URB1: variants seen among roughly 807,000 people sequenced by gnomAD.
The protein encoded by URB1 is nucleolar pre-ribosomal-associated protein 1.
A neutral mutation model predicts 242.3 loss-of-function variants in URB1; 197 were observed. The ratio of observed to expected loss-of-function variants is 0.81; its 90% confidence interval spans 0.72 to 0.91. The LOEUF (loss-of-function observed/expected upper bound fraction) is 0.91, where lower values mean the gene tolerates loss of function less well. Ranked by LOEUF, URB1 falls within the 40% of genes least tolerant of loss-of-function variation. The probability of loss-of-function intolerance (pLI) is 0.00; values close to 1 mark genes in which losing one functional copy is unlikely to be tolerated. For synonymous variants in URB1, 1,153 were observed against 1,201.8 expected, an observed-to-expected ratio of 0.96 and a Z score of 0.84; for missense variants, 2,721 against 2,860.5, an observed-to-expected ratio of 0.95 and a Z score of 1.11.
Position 32,311,932 on chromosome 21 carries a change from C to A in URB1, c.*2986G>T. 1.2e-6 allele frequency: 2 copies of A among 1,613,674 alleles called. No homozygotes were observed. The highest frequency in any genetic ancestry group is 2.2e-5 in the South Asian group (2 of 91,088). ...TGGGAACTGACCCTCAATGGGGGTC[C>A]CCTCGTCAGGAGCAAGCCCAGCGAG... On this transcript the variant is annotated 3_prime_UTR_variant, in exon 39 of 39. Transcript: ENST00000382751.
intron 8 of URB1, among the ~76,000 whole-genome samples, chr21:32,369,122 C>T (rs920534868): frequency 7.2e-5 from 11 of 152,160 alleles, no homozygotes; most frequent in African/African-American, 2.4e-4. Context: ...GTGGGAGGAT[C>T]ACCTGAGGTC....
intron 36 of URB1, among the ~76,000 whole-genome samples, 170 bp from the exon 37 acceptor site, chr21:32,318,087 GA>G (rs2123540331): frequency 6.6e-6 from 1 of 152,190 alleles, no homozygotes; most frequent in African/African-American, 2.4e-5. Context: ...ACGCAGAAAA[GA>G]AAAAAGTGAG....
chr21:32,361,192 A>AAAGAAAGAAAGAAAGAAAGG, intron 12 of URB1, 69 bp from the exon 13 acceptor site: 1 of 925,134 alleles, frequency 1.1e-6, no homozygotes, highest in Non-Finnish European at 1.6e-6. Context: ...AGAAAGAAAG[A>AAAGAAAGAAAGAAAGAAAGG]AAGAAAGAAA....
In URB1 at chr21:32,383,584, C is replaced by T. The variant is rs188271430; in HGVS notation, c.435-30G>A. On this transcript the variant is annotated intron_variant, in intron 3 of 38. Transcript: ENST00000382751. ...ACAGGGAACCAGAGGAAATCGGACA[C>T]GTCAACAACAGCAGAAGCACAGAGC... is the stretch of plus-strand genomic sequence containing the variant. 401 of 1,541,054 alleles carry T rather than the reference C, an allele frequency of 2.6e-4. No individual in the cohort carries two copies. The African/African-American group carries it at 4.7e-3, about 18-fold the overall frequency.
chr21:32,312,233 GC>G lies in URB1; in HGVS notation c.*2684del. The G allele has an allele frequency of 1.4e-6, 2 of 1,433,212 alleles. No individual in the cohort carries two copies. The highest frequency in any genetic ancestry group is 1.8e-6 in the Non-Finnish European group (2 of 1,096,720). The allele number at this position is 1,433,212 out of a possible 1,614,324, so 88.8% of individuals were successfully genotyped here. On this transcript the variant is annotated 3_prime_UTR_variant, in exon 39 of 39. Coordinates refer to ENST00000382751, the MANE Select transcript of URB1 (RefSeq NM_014825.3). ...AGCACACCTAGCCTGCTTGCTTACT[GC>G]TTATATTTGCTCAGGGAAGAGTAGG...
chr21:32,366,240 A>G lies in URB1; in HGVS notation c.1335+378T>C, dbSNP rs149797225. ...TTGCTAGGCAAATTTCAGTCCTACC[A>G]TGTCTGGAAATTCTAAACTAATGAG... On this transcript the variant is annotated intron_variant, in intron 10 of 38. Transcript: ENST00000382751. Among the ~76,000 whole-genome samples the G allele has an allele frequency of 1.3e-4, 20 of 152,294 alleles. 1 individual carries two copies. The East Asian group carries it at 3.9e-3, about 29-fold the overall frequency.
Position 32,383,405 on chromosome 21 carries a change from C to T in URB1, c.567+17G>A, listed in dbSNP as rs1288761300. The T allele has an allele frequency of 6.5e-7, 1 of 1,547,200 alleles. No homozygotes were observed. The highest frequency in any genetic ancestry group is 8.7e-7 in the Non-Finnish European group (1 of 1,144,840). Reference sequence around the variant, plus strand: ...AAGGAGACCCATGGAAGGCACGAGACACTGTGGTCCCCTCACCTTTGAATC... The same window carrying T: ...AAGGAGACCCATGGAAGGCACGAGATACTGTGGTCCCCTCACCTTTGAATC... On this transcript the variant is annotated intron_variant, in intron 4 of 38. Transcript: ENST00000382751.
intron 21 of URB1, among the ~76,000 whole-genome samples, chr21:32,348,491 T>C (rs1568819501): frequency 2.6e-5 from 4 of 152,180 alleles, no homozygotes; most frequent in African/African-American, 4.8e-5. Context: ...CAGAATGCAG[T>C]TGAGCTCCCT....
At chr21:32,378,664 C>CT in intron 4 of URB1, 123 bp from the exon 5 acceptor site, 3 of 783,146 alleles carry the variant, frequency 3.8e-6, no homozygotes, top group Non-Finnish European at 6.4e-6. Context: ...GCCTTGTCCC[C>CT]AGTCACCAGG....
In URB1 at chr21:32,350,629, G is replaced by T; in HGVS notation, c.2832+75C>A. The stretch of plus-strand genomic sequence containing the variant: ...AGGGAGCAAGAGTGTGCTGGGCTGT[G>T]GGCCCGACTCAGAGAAGGCTTAGCT... On this transcript the variant is annotated intron_variant, in intron 20 of 38. Transcript: ENST00000382751. 4.0e-6 allele frequency: 6 copies of T among 1,486,702 alleles called. No homozygotes were observed. The South Asian group carries it at 6.4e-5, about 16-fold the overall frequency. The allele number at this position is 1,486,702 out of a possible 1,614,324, so 92.1% of individuals were successfully genotyped here.
intron 2 of URB1, among the ~76,000 whole-genome samples, chr21:32,384,673 C>A (rs2033562336): frequency 6.6e-6 from 1 of 152,148 alleles, no homozygotes; most frequent in South Asian, 2.1e-4. Flanking sequence ...CTCCCATAGT[C>A]CAGCAAAATA....
At chr21:32,384,184 C>T in intron 3 of URB1, 129 bp downstream of exon 3, 1 of 1,179,828 alleles carries the variant, frequency 8.5e-7, no homozygotes, top group Non-Finnish European at 1.2e-6. Flanking sequence ...GAGACTCGGT[C>T]ACTGTGGCCT....
At chr21:32,336,478 T>C (rs949117334) in intron 28 of URB1, among the ~76,000 whole-genome samples, 1 of 152,120 alleles carries the variant, frequency 6.6e-6, no homozygotes, top group African/African-American at 2.4e-5. Flanking sequence ...CAAAAGTGCA[T>C]TCTATCAATG....
Position 32,349,433 on chromosome 21 carries a change from G to C in URB1, c.2883C>G (p.Leu961=), listed in dbSNP as rs750311880. The change falls in exon 21 of 39, where the codon CTC becomes CTG. Residue 961 remains leucine, a synonymous_variant. Transcript: ENST00000382751. ...GCTCACAGTGGACAACCAGGCGCCT[G>C]AGGAGATCCAGGAAGAGCTGCAGGA... The part of the protein sequence containing the change: ...PPLLQLFLDL[L]RRLVVHCEQL... 6 of 1,551,398 alleles carry C rather than the reference G, an allele frequency of 3.9e-6. No homozygotes were observed. The highest frequency in any genetic ancestry group is 5.2e-6 in the Non-Finnish European group (6 of 1,146,948).
chr21:32,334,682 C>T (rs965893242), intron 28 of URB1, among the ~76,000 whole-genome samples: 1 of 152,062 alleles, frequency 6.6e-6, no homozygotes, highest in African/African-American at 2.4e-5. Flanking sequence ...GAAAGAGGTG[C>T]GGAGAGGATT....
intron 13 of URB1, 101 bp from the exon 14 acceptor site, chr21:32,360,009 G>A: frequency 9.6e-7 from 1 of 1,046,236 alleles, no homozygotes; most frequent in Non-Finnish European, 1.4e-6. Context: ...CATGGAGAAA[G>A]AAAAAGGGTG....
At chr21:32,382,445 A>G (rs979233464) in intron 4 of URB1, among the ~76,000 whole-genome samples, 1 of 152,100 alleles carries the variant, frequency 6.6e-6, no homozygotes, top group Non-Finnish European at 1.5e-5. Flanking sequence ...AACCCTCAAC[A>G]CCAGGCCAAT....
intron 15 of URB1, among the ~76,000 whole-genome samples, chr21:32,356,293 T>C (rs1275024485): frequency 6.6e-6 from 1 of 152,004 alleles, no homozygotes; most frequent in Non-Finnish European, 1.5e-5. Context: ...TCAGGAGGCT[T>C]AGTTGGGAGG....
At position 32,337,021 on chromosome 21, in the gene URB1, C is replaced by T. The variant is rs77964069; in HGVS notation, c.4685+73G>A. ...ACCAAAATGGAATGAGAGAAAATCTCGAGTCTGGAGCTCACTGTGTGGAGA... is the reference window on the plus strand; with the variant it reads ...ACCAAAATGGAATGAGAGAAAATCTTGAGTCTGGAGCTCACTGTGTGGAGA... On this transcript the variant is annotated intron_variant, in intron 28 of 38. Transcript: ENST00000382751. 2,658 of 1,421,436 alleles carry T rather than the reference C, an allele frequency of 1.9e-3. 30 individuals carry two copies. The African/African-American group carries it at 0.029, about 15-fold the overall frequency. 88.1% of individuals were successfully genotyped at this position (1,421,436 alleles called of 1,614,324 possible).
Sources: gnomAD v4.1 joint callset for allele counts (sites outside exome capture counted in the v4.1 genomes callset) on GRCh38, gnomAD v4.1.1 for gene constraint, MANE v1.5 for transcripts, NCBI Gene and HGNC (gene_info 2026-07-23, HGNC 2026-07-21) for gene names.